PIEZO2: variants seen among roughly 807,000 people sequenced by gnomAD.
The protein encoded by PIEZO2 is piezo-type mechanosensitive ion channel component 2.
PIEZO2 carries 172 observed loss-of-function variants against 337.3 expected under a neutral mutation model. The observed-to-expected ratio is 0.51, with a 90% confidence interval of 0.45 to 0.58. The LOEUF (loss-of-function observed/expected upper bound fraction) is 0.58, where lower values mean the gene tolerates loss of function less well. Ranked by LOEUF, PIEZO2 falls within the 20% of genes least tolerant of loss-of-function variation. PIEZO2 has a pLI of 0.00. For synonymous variants in PIEZO2, 1,251 were observed against 1,228.5 expected, an observed-to-expected ratio of 1.02 and a Z score of -0.38; for missense variants, 3,028 against 3,391.3, an observed-to-expected ratio of 0.89 and a Z score of 2.66.
Position 10,855,639 on chromosome 18 carries a change from TTTG to T in PIEZO2, c.704-76_704-74del. The T allele has an allele frequency of 1.7e-6, 2 of 1,180,740 alleles. No homozygotes were observed. The highest frequency in any genetic ancestry group is 2.3e-6 in the Non-Finnish European group (2 of 853,150). The allele number at this position is 1,180,740 out of a possible 1,614,324, so 73.1% of individuals were successfully genotyped here. A position where few individuals can be genotyped will look rare whatever the true frequency, so the allele number is the denominator to read the frequency against. ...ACTTATCATTCAGTGAATGTGACTA[TTTG>T]AAATTATGTGAATTTCCTTCAAGTG... is the stretch of plus-strand genomic sequence containing the variant. On this transcript the variant is annotated intron_variant, in intron 6 of 55. Transcript: ENST00000674853. The surrounding 1 kb of genome is among the most constrained non-coding windows in gnomAD (Gnocchi z 4.9).
chr18:10,752,047 G>A (rs7233628), intron 28 of PIEZO2, among the ~76,000 whole-genome samples: 95,022 of 152,016 alleles, frequency 0.63, 31,762 homozygotes, highest in African/African-American at 0.88. Flanking sequence ...GCTGTGTCCT[G>A]ATCTGAATGT....
At chr18:10,704,307 T>C (rs1272920799) in intron 42 of PIEZO2, 87 bp downstream of exon 42, 1 of 1,469,212 alleles carries the variant, frequency 6.8e-7, no homozygotes, top group Non-Finnish European at 9.0e-7. Flanking sequence ...GGCAGGCCCG[T>C]CTCAAGAGAG....
intron 3 of PIEZO2, among the ~76,000 whole-genome samples, chr18:10,912,590 A>C (rs1483304345): frequency 1.3e-5 from 2 of 152,220 alleles, no homozygotes; most frequent in Admixed American, 1.3e-4. Flanking sequence ...CCTAAAGTCA[A>C]ATTAAACTCG....
In PIEZO2 at chr18:10,834,103, G is replaced by T. The variant is rs141414787; in HGVS notation, c.917+21250C>A. Among the ~76,000 whole-genome samples, 247 of 152,362 alleles carry T rather than the reference G, an allele frequency of 1.6e-3. 2 individuals are homozygous for T. Among genetic ancestry groups the T allele is most frequent in the African/African-American group, 5.6e-3 (231 of 41,588 alleles). The stretch of plus-strand genomic sequence containing the variant: ...TGCAATGTGTAACAATCACATCAGG[G>T]TAAGTGGGGTGTCCATCACCTACAG... On this transcript the variant is annotated intron_variant, in intron 7 of 55. Transcript: ENST00000674853. The surrounding 1 kb of genome is among the most constrained non-coding windows in gnomAD (Gnocchi z 4.5).
chr18:10,771,236 T>C lies in PIEZO2; in HGVS notation c.2786-928A>G, dbSNP rs553698848. Among the ~76,000 whole-genome samples the C allele has an allele frequency of 7.2e-5, 11 of 152,366 alleles. No individual in the cohort carries two copies. In the South Asian group the frequency reaches 2.1e-3, roughly 29 times the overall value. On this transcript the variant is annotated intron_variant, in intron 20 of 55. Transcript: ENST00000674853. ...AAAGTGAACCAGTCAGAGCCCTGCA[T>C]GGGCAGGAAGAGCTTGCTCCTTGTC...
chr18:10,931,436 T>A (rs1205732886), intron 3 of PIEZO2, among the ~76,000 whole-genome samples: 1 of 152,162 alleles, frequency 6.6e-6, no homozygotes, highest in Non-Finnish European at 1.5e-5. Flanking sequence ...CCTGACCTCG[T>A]GATCCGCCTG....
chr18:10,970,660 TCA>T (rs71169962), intron 3 of PIEZO2, among the ~76,000 whole-genome samples: 27,202 of 137,012 alleles, frequency 0.2, 2,710 homozygotes, highest in South Asian at 0.25. Context: ...AAAAGATGTT[TCA>T]CACACACACA....
intron 1 of PIEZO2, among the ~76,000 whole-genome samples, chr18:11,091,208 A>C (rs2146040044): frequency 6.6e-6 from 1 of 151,764 alleles, no homozygotes; most frequent in African/African-American, 2.4e-5. Context: ...GCATGATGAA[A>C]CCCCGTCTCT....
At chr18:10,875,760 C>A (rs764803657) in intron 4 of PIEZO2, among the ~76,000 whole-genome samples, 1 of 152,190 alleles carries the variant, frequency 6.6e-6, no homozygotes, top group African/African-American at 2.4e-5. Context: ...TTGCATTAAG[C>A]CCCAATTTGC....
intron 2 of PIEZO2, among the ~76,000 whole-genome samples, chr18:11,042,274 G>A (rs2037151847): frequency 1.3e-5 from 2 of 152,162 alleles, no homozygotes; most frequent in Admixed American, 6.5e-5. Flanking sequence ...GTCTCAGGAG[G>A]AGGGCTGCTA....
intron 40 of PIEZO2, among the ~76,000 whole-genome samples, chr18:10,706,772 G>C (rs1160501550): frequency 6.6e-6 from 1 of 152,176 alleles, no homozygotes; most frequent in East Asian, 1.9e-4. Flanking sequence ...CCACGGACGG[G>C]AGAGGGGCAA....
chr18:10,981,234 T>C (rs2034653190), intron 2 of PIEZO2, among the ~76,000 whole-genome samples: 1 of 152,164 alleles, frequency 6.6e-6, no homozygotes. Context: ...TTTAAAGTGT[T>C]ATGTCATAGT....
rs1172254778 is a variant in PIEZO2, at chr18:10,819,957, GT to G, written c.918-12684del. On this transcript the variant is annotated intron_variant, in intron 7 of 55. Transcript: ENST00000674853. This position sits in a 1 kb window ranked among gnomAD's most constrained non-coding sequence, Gnocchi z 4.3. The stretch of plus-strand genomic sequence containing the variant: ...TCAGATACAGAATTATAGGTTCATA[GT>G]TTTTTTCCCTTTGAGAAGCAACTTT... Among the ~76,000 whole-genome samples, 1 of 152,032 alleles carries G rather than the reference GT, an allele frequency of 6.6e-6. No individual in the cohort carries two copies. The highest frequency in any genetic ancestry group is 1.5e-5 in the Non-Finnish European group (1 of 67,984).
chr18:11,100,860 G>A (rs985831585), intron 1 of PIEZO2, among the ~76,000 whole-genome samples: 1 of 152,176 alleles, frequency 6.6e-6, no homozygotes, highest in Non-Finnish European at 1.5e-5. Flanking sequence ...CTCCCAAAGT[G>A]CTGGGATTAC....
intron 3 of PIEZO2, among the ~76,000 whole-genome samples, chr18:10,939,802 C>G (rs2032622875): frequency 6.6e-6 from 1 of 152,038 alleles, no homozygotes; most frequent in South Asian, 2.1e-4. Flanking sequence ...AGCATTAGGA[C>G]AAATACCTAA....
At chr18:10,875,275 C>A (rs1164329929) in intron 4 of PIEZO2, among the ~76,000 whole-genome samples, 1 of 152,120 alleles carries the variant, frequency 6.6e-6, no homozygotes, top group Non-Finnish European at 1.5e-5. Flanking sequence ...TTCATCCAAA[C>A]TACATTTATA....
chr18:11,029,628 T>TC (rs545202645), intron 2 of PIEZO2, among the ~76,000 whole-genome samples: 119 of 152,328 alleles, frequency 7.8e-4, no homozygotes, highest in African/African-American at 2.7e-3. Context: ...CTTCAGTGCT[T>TC]CTCAGCCTCT....
rs1731582548 is a variant in PIEZO2 at position 10,888,814 on chromosome 18, T to A, written c.330-17399A>T. Among the ~76,000 whole-genome samples, 1 of 151,826 alleles carries A rather than the reference T, an allele frequency of 6.6e-6. No homozygotes were observed. The highest frequency in any genetic ancestry group is 2.4e-5 in the African/African-American group (1 of 41,316). ...TTCCCAATCCATAGCAACTGCCACA[T>A]CCAGCTGTCACTTCTGCAACCCCCG... On this transcript the variant is annotated intron_variant, in intron 4 of 55. Transcript: ENST00000674853. The surrounding 1 kb of genome is among the most constrained non-coding windows in gnomAD (Gnocchi z 4.1).
intron 30 of PIEZO2, among the ~76,000 whole-genome samples, chr18:10,745,509 GT>G (rs2037387849): frequency 6.6e-6 from 1 of 152,030 alleles, no homozygotes; most frequent in Admixed American, 6.5e-5. Context: ...TGACCCCACT[GT>G]CAAGGTCACC....
Sources: allele counts gnomAD v4.1 joint callset (sites outside exome capture counted in the v4.1 genomes callset), GRCh38; gene constraint gnomAD v4.1.1; non-coding constraint Gnocchi (gnomAD v3.1); transcripts MANE v1.5; gene names NCBI Gene and HGNC (gene_info 2026-07-23, HGNC 2026-07-21).